SDSL: variants seen among roughly 807,000 people sequenced by gnomAD.
The protein encoded by SDSL is serine dehydratase like.
A neutral mutation model predicts 27.6 loss-of-function variants in SDSL; 26 were observed. The observed-to-expected ratio is 0.94, with a 90% CI of 0.69 to 1.31. The LOEUF is 1.31. Among genes scored for constraint, SDSL ranks in the 50% most tolerant of loss-of-function variants. SDSL has a pLI of 0.00. For synonymous variants in SDSL, 196 were observed against 180.6 expected (o/e 1.09, Z -0.69); for missense variants, 431 against 423.5 (o/e 1.02, Z -0.16).
chr12:113,428,028 G>T lies in SDSL; in HGVS notation c.46G>T (p.Val16Leu), dbSNP rs774427340. The T allele has an allele frequency of 6.2e-7, 1 of 1,613,796 alleles. No individual in the cohort carries two copies. The highest frequency in any genetic ancestry group is 1.7e-5 in the Admixed American group (1 of 59,962). Residue 16 changes from valine (V) to leucine (L), a missense_variant, in exon 2 of 8, where the codon GTG (valine) becomes TTG (leucine). Physicochemically the swap from Val to Leu is conservative, Grantham distance 32. Transcript: ENST00000403593. Reference protein sequence around the residue: ...AEHAKQEPFHVVTPLLESWAL... With the variant: ...AEHAKQEPFHLVTPLLESWAL... The stretch of plus-strand genomic sequence containing the variant: ...GCATGCCAAGCAGGAGCCCTTTCAC[G>T]TGGTCACACCTCTGTTGGAGAGCTG...
intron 1 of SDSL, among the ~76,000 whole-genome samples, chr12:113,426,958 C>T (rs1957857593): frequency 6.6e-6 from 1 of 151,962 alleles, no homozygotes; most frequent in Non-Finnish European, 1.5e-5. Flanking sequence ...AGTTCTTTAC[C>T]TCCAGAGAGA....
intron 4 of SDSL, among the ~76,000 whole-genome samples, chr12:113,431,848 C>T (rs1002530208): frequency 6.6e-5 from 10 of 151,904 alleles, no homozygotes; most frequent in Non-Finnish European, 1.2e-4. Flanking sequence ...ACACCGTTCT[C>T]CTGCCTCAGC....
chr12:113,438,093 G>C lies in SDSL; in HGVS notation c.*14G>C, dbSNP rs755749501. 1 of 1,607,086 alleles carries C rather than the reference G, an allele frequency of 6.2e-7. No homozygotes were observed. The highest frequency in any genetic ancestry group is 1.3e-5 in the African/African-American group (1 of 74,774). On this transcript the variant is annotated 3_prime_UTR_variant, in exon 8 of 8. Transcript: ENST00000403593. ...GGCCAGGTCTGAGGGGTCCCATCCT[G>C]GCCCCAAAGACCCCTGAGAGGCCCA...
At chr12:113,430,038 CTCCT>C (rs879827892) in intron 4 of SDSL, among the ~76,000 whole-genome samples, 9 of 134,562 alleles carry the variant, frequency 6.7e-5, no homozygotes, top group Non-Finnish European at 1.2e-4. Flanking sequence ...TCCTTCTTTT[CTCCT>C]TCCTTCCTTC....
intron 1 of SDSL, chr12:113,425,618 A>AT (rs1036121966): frequency 6.7e-6 from 3 of 448,524 alleles, no homozygotes; most frequent in Admixed American, 4.9e-5. Flanking sequence ...TTTCTCTACT[A>AT]TTTTTCCTCC....
At chr12:113,437,010 G>T in intron 7 of SDSL, 135 bp downstream of exon 7, 1 of 857,778 alleles carries the variant, frequency 1.2e-6, no homozygotes, top group South Asian at 2.4e-5. Context: ...TGCACTAAGT[G>T]CACGTCGAGT....
rs539874277 is a variant in SDSL, at chr12:113,426,521, A to T, written c.-21-1441A>T. ...ATCATAGTATTGTGATTACATTTTT[A>T]AAAAAATTAGCCTCAGTGAGGTATA... On this transcript the variant is annotated intron_variant, in intron 1 of 7. Transcript: ENST00000403593. Among the ~76,000 whole-genome samples the T allele has an allele frequency of 9.2e-5, 14 of 152,326 alleles. No individual in the cohort carries two copies. In the South Asian group the frequency reaches 1.0e-3, roughly 11 times the overall value.
rs1382084404 is a variant in SDSL, at chr12:113,437,875, G to A, written c.797-11G>A. On this transcript the variant is annotated splice_polypyrimidine_tract_variant and intron_variant, in intron 7 of 7. Coordinates refer to ENST00000403593, the MANE Select transcript of SDSL (RefSeq NM_001304993.2). Reference sequence around the variant, plus strand: ...CCTTTCCTTCCTCTCTCCATCCCCCGATCCTGGCAGATGATGAGCGTATGC... The same window carrying A: ...CCTTTCCTTCCTCTCTCCATCCCCCAATCCTGGCAGATGATGAGCGTATGC... 7.6e-6 allele frequency: 12 copies of A among 1,584,568 alleles called. No homozygotes were observed. The highest frequency in any genetic ancestry group is 4.1e-5 in the African/African-American group (3 of 73,756).
At chr12:113,432,858 T>C (rs1349115178) in intron 4 of SDSL, among the ~76,000 whole-genome samples, 3 of 152,234 alleles carry the variant, frequency 2.0e-5, no homozygotes, top group Non-Finnish European at 4.4e-5. Context: ...TGATCTTTTT[T>C]TGTGGCTGCG....
At chr12:113,422,581 A>C (rs774072856) in intron 1 of SDSL, 104 bp downstream of exon 1, 1 of 152,556 alleles carries the variant, frequency 6.6e-6, no homozygotes. Context: ...GCAAAGTCCA[A>C]GCTGAGCAGG....
chr12:113,427,969 A>G lies in SDSL; in HGVS notation c.-14A>G. 1 of 1,605,194 alleles carries G rather than the reference A, an allele frequency of 6.2e-7. No individual in the cohort carries two copies. Among genetic ancestry groups the G allele is most frequent in the Non-Finnish European group, 8.5e-7 (1 of 1,175,882 alleles). ...CTTTGTGTCCTCCTGCAGGCTGTCT[A>G]CCTGGTCTCCAGAATGGACGGCCCT... On this transcript the variant is annotated 5_prime_UTR_variant, in exon 2 of 8. Transcript: ENST00000403593.
chr12:113,428,412 C>G lies in SDSL; in HGVS notation c.175-8C>G. 1.2e-6 allele frequency: 2 copies of G among 1,611,360 alleles called. No homozygotes were observed. Among genetic ancestry groups the G allele is most frequent in the East Asian group, 4.5e-5 (2 of 44,862 alleles). On this transcript the variant is annotated splice_polypyrimidine_tract_variant and splice_region_variant and intron_variant, in intron 2 of 7. Coordinates refer to ENST00000403593, the MANE Select transcript of SDSL (RefSeq NM_001304993.2). The stretch of plus-strand genomic sequence containing the variant: ...GTTAGCCGCTAACCCCATTCCTTCT[C>G]TTCCCAGATGGCCAAGAAGGGATGC...
Position 113,427,422 on chromosome 12 carries a change from C to G in SDSL, c.-21-540C>G, listed in dbSNP as rs975737543. Among the ~76,000 whole-genome samples, 13 of 152,350 alleles carry G rather than the reference C, an allele frequency of 8.5e-5. 1 individual carries two copies. Among genetic ancestry groups the G allele is most frequent in the African/African-American group, 3.1e-4 (13 of 41,580 alleles). ...CGCTGTGCCCCTGCCAGCTGAAGGT[C>G]TTTATACAGTTCTCAATACTTTTGC... On this transcript the variant is annotated intron_variant, in intron 1 of 7. Transcript: ENST00000403593.
intron 4 of SDSL, among the ~76,000 whole-genome samples, chr12:113,429,598 A>G (rs760801002): frequency 5.3e-5 from 8 of 152,192 alleles, no homozygotes; most frequent in Non-Finnish European, 7.3e-5. Flanking sequence ...ACCTGGTATT[A>G]TCTACTTTTA....
At chr12:113,432,264 CTTTCTT>C (rs1243407837) in intron 4 of SDSL, among the ~76,000 whole-genome samples, 2 of 133,124 alleles carry the variant, frequency 1.5e-5, no homozygotes, top group African/African-American at 6.2e-5. Context: ...TTCTTTCTTT[CTTTCTT>C]TCTTTCTTTC....
At chr12:113,433,541 G>A (rs955196684) in intron 4 of SDSL, among the ~76,000 whole-genome samples, 1 of 152,208 alleles carries the variant, frequency 6.6e-6, no homozygotes, top group Non-Finnish European at 1.5e-5. Context: ...ATGAGTCAGG[G>A]AAGGGAAGAA....
chr12:113,426,319 A>T, intron 1 of SDSL: 1 of 452,308 alleles, frequency 2.2e-6, no homozygotes, highest in Non-Finnish European at 4.5e-6. Context: ...CAGAGTTAAA[A>T]GACCCCTCAG....
chr12:113,438,129 TG>T lies in SDSL; in HGVS notation c.*51del. On this transcript the variant is annotated 3_prime_UTR_variant, in exon 8 of 8. Transcript: ENST00000403593. ...CCCCTGAGAGGCCCATGGACAGTCC[TG>T]TGTCTGGATGAGGAGGACTCAGTGC... 1 of 1,469,232 alleles carries T rather than the reference TG, an allele frequency of 6.8e-7. No homozygotes were observed. Among genetic ancestry groups the T allele is most frequent in the Non-Finnish European group, 9.3e-7 (1 of 1,075,364 alleles). The allele number at this position is 1,469,232 out of a possible 1,614,324, so 91.0% of individuals were successfully genotyped here. A position where few individuals can be genotyped will look rare whatever the true frequency, so the allele number is the denominator to read the frequency against.
At position 113,436,751 on chromosome 12, in the gene SDSL, T is replaced by G. The variant is rs750896677; in HGVS notation, c.672T>G (p.Ser224Arg). 6.2e-7 allele frequency: 1 copy of G among 1,605,396 alleles called. No individual in the cohort carries two copies. The highest frequency in any genetic ancestry group is 8.5e-7 in the Non-Finnish European group (1 of 1,178,148). ...TGCCCCACCCTGCTCTATCCTGCAG[T>G]GTGGCCAAGAGCCTGGGTGCCAAGA... ...GKLVTLPDIT[S>R]VAKSLGAKTV... The change falls in exon 7 of 8, where the codon AGT becomes AGG. Residue 224 changes from serine (S) to arginine (R), a missense_variant and splice_region_variant. By Grantham distance (110) the Ser-to-Arg change is moderately radical (BLOSUM62 -1). Transcript: ENST00000403593.
Sources: allele counts gnomAD v4.1 joint callset (sites outside exome capture counted in the v4.1 genomes callset), GRCh38; gene constraint gnomAD v4.1.1; transcripts MANE v1.5; gene names NCBI Gene and HGNC (gene_info 2026-07-23, HGNC 2026-07-21).